The following LPP variants were observed in gnomAD, a reference collection of about 807,000 sequenced individuals.
The protein encoded by LPP is LIM domain containing preferred translocation partner in lipoma.
A neutral mutation model predicts 60.4 loss-of-function variants in LPP; 38 were observed. The ratio of observed to expected loss-of-function variants is 0.63; its 90% CI spans 0.49 to 0.83. LPP has a LOEUF of 0.83. Ranked by LOEUF, LPP falls within the 40% of genes least tolerant of loss-of-function variation. LPP has a pLI of 0.00. For missense variants in LPP, 902 were observed against 783.6 expected (o/e 1.15, Z -1.80); for synonymous variants, 328 against 290.8 (o/e 1.13, Z -1.30).
intron 4 of LPP, among the ~76,000 whole-genome samples, chr3:188,407,768 G>GTTTTTTTTTTT (rs760058728): frequency 1.8e-4 from 11 of 61,302 alleles, no homozygotes; most frequent in African/African-American, 5.0e-4. Context: ...CTCATTTATG[G>GTTTTTTTTTTT]TTTTTTTTTT....
chr3:188,354,183 C>T (rs1006075047), intron 3 of LPP, among the ~76,000 whole-genome samples: 3 of 151,948 alleles, frequency 2.0e-5, no homozygotes, highest in African/African-American at 4.8e-5. Context: ...ACACAAATGT[C>T]GAGCAGTCTT....
intron 9 of LPP, among the ~76,000 whole-genome samples, chr3:188,812,539 G>A (rs984428561): frequency 6.6e-6 from 1 of 152,132 alleles, no homozygotes; most frequent in Non-Finnish European, 1.5e-5. Context: ...TAGCATCTGT[G>A]TTTATCTTTC....
chr3:188,598,536 A>T (rs1163680692), intron 6 of LPP, among the ~76,000 whole-genome samples: 1 of 152,180 alleles, frequency 6.6e-6, no homozygotes, highest in Non-Finnish European at 1.5e-5. Flanking sequence ...CACGTTTATA[A>T]CATATAATCA....
chr3:188,441,750 A>G (rs780672980), intron 4 of LPP, among the ~76,000 whole-genome samples: 1 of 148,566 alleles, frequency 6.7e-6, no homozygotes, highest in Non-Finnish European at 1.5e-5. Flanking sequence ...CCTCCTGAGT[A>G]GTTGGTACTA....
rs866385985 is a variant in LPP, at chr3:188,441,730, C to T, written c.193+35417C>T. On this transcript the variant is annotated intron_variant, in intron 4 of 11. Coordinates refer to ENST00000617246, the MANE Select transcript of LPP (RefSeq NM_001375462.1). ...CTGCCTCCCAGGTTCACGCCATTCT[C>T]CCACCTCAGCCTCCTGAGTAGTTGG... Among the ~76,000 whole-genome samples the T allele has an allele frequency of 6.8e-5, 10 of 148,146 alleles. No homozygotes were observed. In the South Asian group the frequency reaches 2.2e-3, roughly 32 times the overall value.
At chr3:188,512,593 A>G (rs1225106038) in intron 5 of LPP, among the ~76,000 whole-genome samples, 1 of 151,550 alleles carries the variant, frequency 6.6e-6, no homozygotes, top group African/African-American at 2.4e-5. Context: ...ATAAATAAAT[A>G]AAGTTCCCAC....
intron 3 of LPP, among the ~76,000 whole-genome samples, chr3:188,356,705 A>G (rs572801559): frequency 1.3e-5 from 2 of 152,314 alleles, no homozygotes; most frequent in African/African-American, 4.8e-5. Flanking sequence ...GTGGAAAAAG[A>G]TTCTCCATCC....
intron 9 of LPP, among the ~76,000 whole-genome samples, chr3:188,812,187 G>A (rs965950977): frequency 2.0e-5 from 3 of 152,030 alleles, no homozygotes; most frequent in Non-Finnish European, 4.4e-5. Context: ...GATGATCTAA[G>A]CAATAAGAAA....
chr3:188,717,715 A>T (rs572365041), intron 8 of LPP, among the ~76,000 whole-genome samples: 1 of 152,296 alleles, frequency 6.6e-6, no homozygotes, highest in Admixed American at 6.5e-5. Flanking sequence ...ATGTTTGTTC[A>T]GAGTAGTATA....
At chr3:188,531,433 A>T (rs1237209974) in intron 6 of LPP, among the ~76,000 whole-genome samples, 2 of 148,846 alleles carry the variant, frequency 1.3e-5, no homozygotes, top group Admixed American at 6.7e-5. Flanking sequence ...TGATGAGGCA[A>T]CTCTTGGTGG....
chr3:188,890,117 TA>T lies in LPP; in HGVS notation c.*15640del, dbSNP rs1277643315. ...TAAATGGTGTTTACAAGTGGATAGA[TA>T]AGGCGGAGATGGTGAGAAGCCGGGT... On this transcript the variant is annotated 3_prime_UTR_variant, in exon 12 of 12. Coordinates refer to ENST00000617246, the MANE Select transcript of LPP (RefSeq NM_001375462.1). 1 of 215,750 alleles carries T rather than the reference TA, an allele frequency of 4.6e-6. No individual in the cohort carries two copies. The highest frequency in any genetic ancestry group is 2.3e-5 in the African/African-American group (1 of 44,424). The allele number at this position is 215,750 out of a possible 1,614,324, so 13.4% of individuals were successfully genotyped here.
chr3:188,821,762 A>G (rs1341275134), intron 9 of LPP, among the ~76,000 whole-genome samples: 1 of 152,120 alleles, frequency 6.6e-6, no homozygotes, highest in South Asian at 2.1e-4. Flanking sequence ...ATCTTCCCAG[A>G]TATATTTTCT....
chr3:188,874,893 A>G lies in LPP; in HGVS notation c.*414A>G, dbSNP rs143989627. 1 of 236,976 alleles carries G rather than the reference A, an allele frequency of 4.2e-6. No individual in the cohort carries two copies. Among genetic ancestry groups the G allele is most frequent in the East Asian group, 6.1e-5 (1 of 16,466 alleles). The allele number at this position is 236,976 out of a possible 1,614,324, so 14.7% of individuals were successfully genotyped here. ...CTTTTAGGCTTGAAATCTCCATCCT[A>G]TCATTTCCGTTTTGCCTGTGACTGT... On this transcript the variant is annotated 3_prime_UTR_variant, in exon 12 of 12. Transcript: ENST00000617246.
At chr3:188,531,249 T>C (rs181423363) in intron 6 of LPP, among the ~76,000 whole-genome samples, 10 of 152,308 alleles carry the variant, frequency 6.6e-5, no homozygotes, top group Admixed American at 6.5e-4. Flanking sequence ...TATATAAATA[T>C]ATTTTTCTAC....
intron 9 of LPP, among the ~76,000 whole-genome samples, chr3:188,845,877 T>TC (rs1761267465): frequency 1.3e-5 from 2 of 152,224 alleles, no homozygotes; most frequent in Admixed American, 1.3e-4. Flanking sequence ...GTTTCTTAGT[T>TC]CAGATAAGGA....
chr3:188,524,187 G>A (rs1819811560), intron 5 of LPP, among the ~76,000 whole-genome samples: 2 of 152,102 alleles, frequency 1.3e-5, no homozygotes, highest in Non-Finnish European at 2.9e-5. Flanking sequence ...AATACCCCCT[G>A]GACCTGAGAC....
At chr3:188,205,064 C>T (rs1732787018) in intron 1 of LPP, among the ~76,000 whole-genome samples, 1 of 152,086 alleles carries the variant, frequency 6.6e-6, no homozygotes, top group Admixed American at 6.6e-5. Context: ...GCCTGCTTTT[C>T]CATTTGAGTA....
chr3:188,432,794 G>C (rs1791244841), intron 4 of LPP, among the ~76,000 whole-genome samples: 2 of 152,116 alleles, frequency 1.3e-5, no homozygotes, highest in Admixed American at 6.6e-5. Context: ...CCTTTAAAAG[G>C]AGCTTGTAAC....
At chr3:188,555,695 T>C (rs1329064892) in intron 6 of LPP, among the ~76,000 whole-genome samples, 1 of 152,064 alleles carries the variant, frequency 6.6e-6, no homozygotes, top group African/African-American at 2.4e-5. Flanking sequence ...GTTTTTGTTG[T>C]TTAGAAGAGA....
Sources: gnomAD v4.1 joint callset for allele counts (sites outside exome capture counted in the v4.1 genomes callset) on GRCh38, gnomAD v4.1.1 for gene constraint, MANE v1.5 for transcripts, NCBI Gene and HGNC (gene_info 2026-07-23, HGNC 2026-07-21) for gene names.